The following CNTLN variants were observed in gnomAD, a reference collection of about 807,000 sequenced individuals.
The protein encoded by CNTLN is centlein.
CNTLN carries 212 observed loss-of-function variants against 180.0 expected under a neutral mutation model. That is an observed-to-expected ratio of 1.18 (90% confidence interval 1.05 to 1.32). The LOEUF is 1.32. CNTLN is among the 40% of genes most tolerant of loss of function. CNTLN has a pLI of 0.00. For missense variants in CNTLN, 2,095 were observed against 1,610.9 expected, an observed-to-expected ratio of 1.30 and a Z score of -5.14; for synonymous variants, 722 against 563.1, an observed-to-expected ratio of 1.28 and a Z score of -3.99.
At chr9:17,216,207 A>G (rs1823742748) in intron 2 of CNTLN, among the ~76,000 whole-genome samples, 2 of 152,140 alleles carry the variant, frequency 1.3e-5, no homozygotes, top group South Asian at 4.1e-4. Flanking sequence ...CCCCCAGGCT[A>G]TTTTTAATAA....
chr9:17,258,176 A>C (rs1282365453), intron 5 of CNTLN, among the ~76,000 whole-genome samples: 10 of 146,190 alleles, frequency 6.8e-5, no homozygotes, highest in Admixed American at 4.7e-4. Context: ...GAAGGGATCC[A>C]GTTTCAGCTT....
At chr9:17,276,103 T>G (rs1012378553) in intron 6 of CNTLN, among the ~76,000 whole-genome samples, 13 of 152,080 alleles carry the variant, frequency 8.5e-5, no homozygotes, top group Non-Finnish European at 1.5e-4. Flanking sequence ...CAGGTAATAG[T>G]ACTACACATA....
chr9:17,486,864 A>G, intron 24 of CNTLN, 125 bp from the exon 25 acceptor site: 1 of 584,464 alleles, frequency 1.7e-6, no homozygotes, highest in Non-Finnish European at 3.0e-6. Context: ...CTACTTTGAG[A>G]TGACAGACTG....
intron 8 of CNTLN, among the ~76,000 whole-genome samples, chr9:17,328,911 G>A (rs949600891): frequency 6.6e-6 from 1 of 151,714 alleles, no homozygotes; most frequent in Non-Finnish European, 1.5e-5. Flanking sequence ...AATATCAGTA[G>A]AAATATTAAA....
chr9:17,526,736 T>C, the CNTLN span, among the ~76,000 whole-genome samples: 1 of 104,142 alleles, frequency 9.6e-6, no homozygotes, highest in African/African-American at 2.5e-5. Context: ...TAGTAAAACA[T>C]GTAAAAAAAT....
chr9:17,392,150 C>G (rs1352735925), intron 14 of CNTLN, among the ~76,000 whole-genome samples: 3 of 152,088 alleles, frequency 2.0e-5, no homozygotes, highest in Admixed American at 6.6e-5. Context: ...GCCTCTGGTC[C>G]TAGCTCCTTG....
At chr9:17,298,103 C>A in intron 6 of CNTLN, 87 bp from the exon 7 acceptor site, 2 of 1,155,194 alleles carry the variant, frequency 1.7e-6, no homozygotes, top group Non-Finnish European at 2.3e-6. Flanking sequence ...AAACAGGATG[C>A]CAATCTGTAA....
chr9:17,392,469 A>AT (rs1214130493), intron 14 of CNTLN, among the ~76,000 whole-genome samples: 4 of 152,148 alleles, frequency 2.6e-5, no homozygotes, highest in Admixed American at 1.3e-4. Flanking sequence ...TCTGGCATAG[A>AT]TTTTTTTCTT....
rs1833809157 is a variant in CNTLN at position 17,502,581 on chromosome 9, G to T, written c.4150G>T (p.Val1384Leu). Residue 1384 changes from valine (V) to leucine (L), a missense_variant, in exon 26 of 26, where the codon GTA becomes TTA. Transcript: ENST00000380647. ...LPFASYLLEAVLEKINEKKKL... is the reference protein window; with the variant it reads ...LPFASYLLEALLEKINEKKKL... ...TTTTGCCTCATATTTACTAGAAGCA[G>T]TACTGGAAAAAATAAATGAAAAAAA... 1 of 1,409,102 alleles carries T rather than the reference G, an allele frequency of 7.1e-7. No individual in the cohort carries two copies. Among genetic ancestry groups the T allele is most frequent in the Non-Finnish European group, 9.7e-7 (1 of 1,030,462 alleles). 87.3% of individuals were successfully genotyped at this position (1,409,102 alleles called of 1,614,324 possible).
chr9:17,228,655 A>G (rs1824626623), intron 3 of CNTLN, among the ~76,000 whole-genome samples: 1 of 151,744 alleles, frequency 6.6e-6, no homozygotes, highest in Non-Finnish European at 1.5e-5. Flanking sequence ...TCTTTCATCC[A>G]CTCTTTAGTC....
chr9:17,198,982 A>G (rs751884075), intron 2 of CNTLN, among the ~76,000 whole-genome samples: 13 of 152,110 alleles, frequency 8.5e-5, no homozygotes, highest in Non-Finnish European at 1.5e-4. Flanking sequence ...TAATGCTACA[A>G]TAAACATACA....
intron 23 of CNTLN, among the ~76,000 whole-genome samples, chr9:17,468,008 A>G (rs1831845867): frequency 6.6e-6 from 1 of 151,742 alleles, no homozygotes; most frequent in South Asian, 2.1e-4. Flanking sequence ...CATAAACAAT[A>G]GACTGGATTA....
intron 7 of CNTLN, chr9:17,298,821 A>G (rs1168304198): frequency 2.0e-6 from 2 of 985,872 alleles, no homozygotes; most frequent in Non-Finnish European, 2.4e-6. Context: ...TTCTCTGTTT[A>G]TTTTGTGTGT....
At chr9:17,346,955 C>T (rs1587724403) in intron 12 of CNTLN, among the ~76,000 whole-genome samples, 1 of 152,120 alleles carries the variant, frequency 6.6e-6, no homozygotes, top group Non-Finnish European at 1.5e-5. Context: ...TTGGTAATTT[C>T]TATTGTGTCG....
At chr9:17,158,348 T>C (rs896600925) in intron 2 of CNTLN, among the ~76,000 whole-genome samples, 4 of 143,154 alleles carry the variant, frequency 2.8e-5, no homozygotes, top group Non-Finnish European at 6.3e-5. Flanking sequence ...TACTATAGTT[T>C]TCTTTTCTTG....
At chr9:17,479,912 G>T (rs929516713) in intron 23 of CNTLN, among the ~76,000 whole-genome samples, 3 of 152,104 alleles carry the variant, frequency 2.0e-5, no homozygotes, top group Non-Finnish European at 4.4e-5. Context: ...AGCTTTAAAA[G>T]ATTTAAAAAA....
intron 5 of CNTLN, among the ~76,000 whole-genome samples, chr9:17,237,403 A>ACACACACACG (rs1278912041): frequency 1.5e-5 from 2 of 136,776 alleles, no homozygotes; most frequent in African/African-American, 5.8e-5. Flanking sequence ...ACACACACAC[A>ACACACACACG]CACGGTTAGT....
intron 2 of CNTLN, among the ~76,000 whole-genome samples, chr9:17,203,085 T>C (rs1375675274): frequency 6.6e-6 from 1 of 152,198 alleles, no homozygotes; most frequent in Non-Finnish European, 1.5e-5. Context: ...TTATTTCTCC[T>C]TCACTTATGA....
chr9:17,295,969 TGAGA>T (rs113148833), intron 6 of CNTLN, among the ~76,000 whole-genome samples: 1,465 of 119,772 alleles, frequency 0.012, 10 homozygotes, highest in East Asian at 0.044. Context: ...TACTCTTCAG[TGAGA>T]GAGAGAGAGA....
Sources: gnomAD v4.1 joint callset for allele counts (sites outside exome capture counted in the v4.1 genomes callset) on GRCh38, gnomAD v4.1.1 for gene constraint, MANE v1.5 for transcripts, NCBI Gene and HGNC (gene_info 2026-07-23, HGNC 2026-07-21) for gene names.